The following NEK7 variants were observed in gnomAD, a reference collection of about 807,000 sequenced individuals.
NEK7 encodes the protein serine/threonine-protein kinase Nek7.
NEK7 carries 18 observed loss-of-function variants against 44.6 expected under a neutral mutation model. The observed-to-expected ratio is 0.40, with a 90% CI of 0.28 to 0.60. The LOEUF (loss-of-function observed/expected upper bound fraction) is 0.60, where lower values mean the gene tolerates loss of function less well. Among genes scored for constraint, NEK7 ranks in the 20% least tolerant of loss-of-function variants. The probability of loss-of-function intolerance (pLI) is 0.38; values close to 1 mark genes in which losing one functional copy is unlikely to be tolerated. For missense variants in NEK7, 256 were observed against 366.5 expected, an observed-to-expected ratio of 0.70 and a Z score of 2.46; for synonymous variants, 130 against 121.1, an observed-to-expected ratio of 1.07 and a Z score of -0.48.
At chr1:198,317,877 A>G (rs201077542) in intron 9 of NEK7, among the ~76,000 whole-genome samples, 3 of 70,272 alleles carry the variant, frequency 4.3e-5, no homozygotes, top group Admixed American at 2.1e-4. Flanking sequence ...GGATATATTT[A>G]TTTTTTTTTT....
At chr1:198,207,397 T>C (rs574115254) in intron 1 of NEK7, among the ~76,000 whole-genome samples, 6 of 152,290 alleles carry the variant, frequency 3.9e-5, no homozygotes, top group Middle Eastern at 3.4e-3. Context: ...TGAAAACTTA[T>C]GTATGGACTG....
chr1:198,178,394 A>G (rs1300107404), intron 1 of NEK7, among the ~76,000 whole-genome samples: 1 of 152,080 alleles, frequency 6.6e-6, no homozygotes, highest in East Asian at 1.9e-4. Flanking sequence ...GAGTTACTAT[A>G]TTAATATCAA....
At chr1:198,310,686 T>A (rs1655154444) in intron 9 of NEK7, among the ~76,000 whole-genome samples, 1 of 152,162 alleles carries the variant, frequency 6.6e-6, no homozygotes, top group African/African-American at 2.4e-5. Flanking sequence ...CCAACACCAT[T>A]TATTAAATAG....
At chr1:198,304,991 C>G (rs1654983923) in intron 9 of NEK7, among the ~76,000 whole-genome samples, 1 of 151,952 alleles carries the variant, frequency 6.6e-6, no homozygotes, top group African/African-American at 2.4e-5. Flanking sequence ...TTTACTTTTG[C>G]CTTATTTTTA....
At chr1:198,172,460 G>A (rs1664478303) in intron 1 of NEK7, among the ~76,000 whole-genome samples, 1 of 152,156 alleles carries the variant, frequency 6.6e-6, no homozygotes, top group Admixed American at 6.5e-5. Context: ...TTTTGACTCT[G>A]TAGTTTTTCA....
At chr1:198,309,355 T>C (rs917787981) in intron 9 of NEK7, among the ~76,000 whole-genome samples, 2 of 151,954 alleles carry the variant, frequency 1.3e-5, no homozygotes, top group African/African-American at 2.4e-5. Flanking sequence ...GAGAAGGAGT[T>C]TGGGGCTAAA....
chr1:198,252,130 G>A (rs1653027219), intron 2 of NEK7, among the ~76,000 whole-genome samples: 1 of 151,940 alleles, frequency 6.6e-6, no homozygotes, highest in Non-Finnish European at 1.5e-5. Context: ...ATTTCGTTAT[G>A]TACCCAGTAG....
At chr1:198,248,851 G>T (rs1193823157) in intron 2 of NEK7, among the ~76,000 whole-genome samples, 1 of 151,472 alleles carries the variant, frequency 6.6e-6, no homozygotes, top group East Asian at 1.9e-4. Context: ...TTTTTTGTGT[G>T]TGTGGGTTCT....
At chr1:198,237,551 A>T (rs1666571739) in intron 2 of NEK7, among the ~76,000 whole-genome samples, 1 of 152,212 alleles carries the variant, frequency 6.6e-6, no homozygotes, top group Non-Finnish European at 1.5e-5. Context: ...ATGTTAGCAG[A>T]TACCAGAGGC....
intron 9 of NEK7, among the ~76,000 whole-genome samples, chr1:198,315,438 A>C (rs1297949386): frequency 6.6e-6 from 1 of 152,188 alleles, no homozygotes; most frequent in Non-Finnish European, 1.5e-5. Flanking sequence ...AGCTGTTCCT[A>C]TTCGGCCATC....
intron 1 of NEK7, among the ~76,000 whole-genome samples, chr1:198,159,130 G>A (rs1412756842): frequency 1.3e-5 from 2 of 152,214 alleles, no homozygotes; most frequent in Non-Finnish European, 2.9e-5. Context: ...GGGAGGCTCC[G>A]CCCTCCGGAG....
chr1:198,269,701 A>G (rs1653776335), intron 5 of NEK7, among the ~76,000 whole-genome samples: 2 of 152,110 alleles, frequency 1.3e-5, no homozygotes, highest in Non-Finnish European at 2.9e-5. Context: ...TCTGGATAGC[A>G]TTGCATCAAA....
chr1:198,252,528 C>CCATATATATATA, intron 2 of NEK7, among the ~76,000 whole-genome samples: 1 of 32,698 alleles, frequency 3.1e-5, no homozygotes, highest in Admixed American at 3.5e-4. Flanking sequence ...ATCTCACATA[C>CCATATATATATA]TATATATATA....
At chr1:198,233,503 A>G (rs1666460344) in intron 2 of NEK7, among the ~76,000 whole-genome samples, 1 of 152,098 alleles carries the variant, frequency 6.6e-6, no homozygotes, top group Non-Finnish European at 1.5e-5. Context: ...TGTCTCATGT[A>G]TACTCTGCTA....
chr1:198,242,913 G>A (rs949215874), intron 2 of NEK7, among the ~76,000 whole-genome samples: 2 of 148,656 alleles, frequency 1.3e-5, no homozygotes, highest in Non-Finnish European at 3.0e-5. Flanking sequence ...CAAGTGATCC[G>A]CCTGCCTTGG....
At chr1:198,217,962 C>T (rs1206681877) in intron 1 of NEK7, among the ~76,000 whole-genome samples, 2 of 151,848 alleles carry the variant, frequency 1.3e-5, no homozygotes, top group African/African-American at 4.8e-5. Flanking sequence ...ACATCCCATG[C>T]TCAGGGATTG....
intron 5 of NEK7, among the ~76,000 whole-genome samples, chr1:198,264,537 C>G (rs1006192481): frequency 6.6e-6 from 1 of 151,868 alleles, no homozygotes; most frequent in African/African-American, 2.4e-5. Flanking sequence ...CTGAGCAGAC[C>G]ATGCTTGATC....
intron 2 of NEK7, among the ~76,000 whole-genome samples, chr1:198,247,130 AAAG>A (rs1273368940): frequency 6.6e-6 from 1 of 152,244 alleles, no homozygotes; most frequent in African/African-American, 2.4e-5. Context: ...ATGGCTATGA[AAAG>A]AAATCCATTT....
At chr1:198,316,589 C>T (rs1571626979) in intron 9 of NEK7, among the ~76,000 whole-genome samples, 1 of 152,200 alleles carries the variant, frequency 6.6e-6, no homozygotes, top group African/African-American at 2.4e-5. Context: ...ATACCTATCA[C>T]TTTGTAGTTT....
Sources: gnomAD v4.1 joint callset for allele counts (sites outside exome capture counted in the v4.1 genomes callset) on GRCh38, gnomAD v4.1.1 for gene constraint, MANE v1.5 for transcripts, NCBI Gene and HGNC (gene_info 2026-07-23, HGNC 2026-07-21) for gene names.